Variants in TMEFF2 observed in about 807,000 individuals in gnomAD.
TMEFF2 encodes the protein transmembrane protein with EGF like and two follistatin like domains 2.
A neutral mutation model predicts 53.8 loss-of-function variants in TMEFF2; 28 were observed. That is an observed-to-expected ratio of 0.52 (90% confidence interval 0.39 to 0.71). The LOEUF is 0.71. TMEFF2 is among the 30% of genes least tolerant of loss of function. The probability of loss-of-function intolerance (pLI) is 0.00; values close to 1 mark genes in which losing one functional copy is unlikely to be tolerated. For missense variants in TMEFF2, 353 were observed against 455.2 expected (o/e 0.78, Z 2.04); for synonymous variants, 162 against 166.3 (o/e 0.97, Z 0.20).
intron 5 of TMEFF2, among the ~76,000 whole-genome samples, chr2:192,014,210 G>C (rs1686696810): frequency 6.6e-6 from 1 of 152,112 alleles, no homozygotes; most frequent in African/African-American, 2.4e-5. Context: ...AGGTAGAACA[G>C]GTTATTTTAA....
chr2:191,977,111 T>A (rs1685747616), intron 7 of TMEFF2, among the ~76,000 whole-genome samples: 2 of 152,252 alleles, frequency 1.3e-5, no homozygotes, highest in South Asian at 4.1e-4. Context: ...AGAGGAAGGC[T>A]ATCTGAAGCC....
intron 7 of TMEFF2, among the ~76,000 whole-genome samples, chr2:191,991,877 T>C (rs1686118463): frequency 6.6e-6 from 1 of 152,138 alleles, no homozygotes; most frequent in South Asian, 2.1e-4. Context: ...TATGTTTATC[T>C]ATAACCATGA....
At chr2:191,951,579 T>A (rs1185326584) in intron 9 of TMEFF2, among the ~76,000 whole-genome samples, 2 of 152,044 alleles carry the variant, frequency 1.3e-5, no homozygotes, top group South Asian at 4.1e-4. Flanking sequence ...AAGACCTATT[T>A]TGAAATAGGT....
At chr2:191,986,989 T>C (rs986640353) in intron 7 of TMEFF2, among the ~76,000 whole-genome samples, 10 of 152,122 alleles carry the variant, frequency 6.6e-5, no homozygotes, top group African/African-American at 2.4e-5. Context: ...AGGCCAACTC[T>C]GGACTCCACA....
At chr2:192,105,319 A>C (rs1026773454) in intron 4 of TMEFF2, among the ~76,000 whole-genome samples, 1 of 151,930 alleles carries the variant, frequency 6.6e-6, no homozygotes, top group African/African-American at 2.4e-5. Flanking sequence ...AAATAAAACC[A>C]CCTACTGAGC....
intron 5 of TMEFF2, among the ~76,000 whole-genome samples, chr2:192,033,756 C>T (rs1687205313): frequency 6.6e-6 from 1 of 152,084 alleles, no homozygotes; most frequent in Admixed American, 6.5e-5. Flanking sequence ...TATCCCACAC[C>T]TATGATTTGG....
chr2:192,116,727 CTTTG>C (rs553391589), intron 4 of TMEFF2, among the ~76,000 whole-genome samples: 98 of 152,076 alleles, frequency 6.4e-4, no homozygotes, highest in African/African-American at 2.3e-3. Flanking sequence ...TGGTCTGAAT[CTTTG>C]TGAGATGTGA....
intron 4 of TMEFF2, among the ~76,000 whole-genome samples, chr2:192,106,688 C>A (rs2105950115): frequency 6.6e-6 from 1 of 151,914 alleles, no homozygotes; most frequent in Middle Eastern, 3.4e-3. Context: ...CTGCATGACA[C>A]TTTTTTTGGT....
At chr2:191,979,752 A>AT (rs1425823079) in intron 7 of TMEFF2, among the ~76,000 whole-genome samples, 2 of 151,276 alleles carry the variant, frequency 1.3e-5, no homozygotes, top group African/African-American at 2.4e-5. Context: ...CCCAGTAGAG[A>AT]TAAAAAAAAA....
At chr2:191,977,844 T>C (rs1685768646) in intron 7 of TMEFF2, among the ~76,000 whole-genome samples, 1 of 152,198 alleles carries the variant, frequency 6.6e-6, no homozygotes. Context: ...TTTTCAAAAA[T>C]AACTATGTTT....
intron 7 of TMEFF2, among the ~76,000 whole-genome samples, chr2:191,995,875 A>G (rs1686210391): frequency 6.6e-6 from 1 of 152,002 alleles, no homozygotes; most frequent in Non-Finnish European, 1.5e-5. Context: ...ATTTACTTTT[A>G]TCTTAAAAGT....
intron 9 of TMEFF2, among the ~76,000 whole-genome samples, chr2:191,951,032 A>G (rs577224757): frequency 6.6e-6 from 1 of 152,332 alleles, no homozygotes; most frequent in South Asian, 2.1e-4. Context: ...TGCTTTGACT[A>G]TGCAAATGAG....
At chr2:191,983,922 A>G (rs769822204) in intron 7 of TMEFF2, among the ~76,000 whole-genome samples, 1 of 152,198 alleles carries the variant, frequency 6.6e-6, no homozygotes, top group Non-Finnish European at 1.5e-5. Flanking sequence ...CAAGAATAAT[A>G]TTGTTTGTTC....
chr2:192,140,635 G>A (rs1690115238), intron 4 of TMEFF2, among the ~76,000 whole-genome samples: 1 of 152,132 alleles, frequency 6.6e-6, no homozygotes. Context: ...CATGATAAGA[G>A]AATGCTGAGG....
intron 4 of TMEFF2, among the ~76,000 whole-genome samples, chr2:192,062,371 A>G (rs1424396444): frequency 6.6e-6 from 1 of 152,158 alleles, no homozygotes; most frequent in Non-Finnish European, 1.5e-5. Context: ...TGAATGATAC[A>G]CTGCAGGTTA....
At position 191,963,220 on chromosome 2, in the gene TMEFF2, C is replaced by T. The variant is rs576513771; in HGVS notation, c.746-6842G>A. Among the ~76,000 whole-genome samples the T allele has an allele frequency of 3.3e-5, 5 of 152,238 alleles. No homozygotes were observed. The South Asian group carries it at 1.0e-3, about 32-fold the overall frequency. The stretch of plus-strand genomic sequence containing the variant: ...CTCAGGAGACAAAGTTTGCTATAAA[C>T]TTTAGAGAAAGAAAATGCCATGGGA... On this transcript the variant is annotated intron_variant, in intron 7 of 9. Coordinates refer to ENST00000272771, the MANE Select transcript of TMEFF2 (RefSeq NM_016192.4).
chr2:192,134,004 C>T (rs1221359622), intron 4 of TMEFF2, among the ~76,000 whole-genome samples: 1 of 152,202 alleles, frequency 6.6e-6, no homozygotes, highest in Non-Finnish European at 1.5e-5. Context: ...CACCCTGTAG[C>T]CTTTCTGTCC....
rs192669958 is a variant in TMEFF2 at position 192,107,013 on chromosome 2, C to T, written c.440-49238G>A. ...CATGAAGGGCATGTAGGGAGTAAGG[C>T]AGAGTAAAATGTACGGTTTATTTTA... On this transcript the variant is annotated intron_variant, in intron 4 of 9. Coordinates refer to ENST00000272771, the MANE Select transcript of TMEFF2 (RefSeq NM_016192.4). Among the ~76,000 whole-genome samples, 690 of 151,622 alleles carry T rather than the reference C, an allele frequency of 4.6e-3. 3 individuals carry two copies. Among genetic ancestry groups the T allele is most frequent in the Non-Finnish European group, 7.2e-3 (489 of 67,648 alleles).
Position 192,054,118 on chromosome 2 carries a change from A to G in TMEFF2, c.536+3561T>C, listed in dbSNP as rs545347405. On this transcript the variant is annotated intron_variant, in intron 5 of 9. Coordinates refer to ENST00000272771, the MANE Select transcript of TMEFF2 (RefSeq NM_016192.4). Reference sequence around the variant, plus strand: ...TCACAGCCGTGGCCACTTAGCCCCCATCTGGAGGTTCAGGCTTATTCTGCA... The same window carrying G: ...TCACAGCCGTGGCCACTTAGCCCCCGTCTGGAGGTTCAGGCTTATTCTGCA... Among the ~76,000 whole-genome samples the G allele has an allele frequency of 6.4e-4, 97 of 151,708 alleles. 1 individual carries two copies. The highest frequency in any genetic ancestry group is 2.0e-3 in the African/African-American group (82 of 41,358).
Sources: gnomAD v4.1 joint callset for allele counts (sites outside exome capture counted in the v4.1 genomes callset) on GRCh38, gnomAD v4.1.1 for gene constraint, MANE v1.5 for transcripts, NCBI Gene and HGNC (gene_info 2026-07-23, HGNC 2026-07-21) for gene names.